Variants in CYP3A5 observed in about 807,000 individuals in gnomAD.
The protein encoded by CYP3A5 is cytochrome P450 family 3 subfamily A member 5.
In CYP3A5, 51 loss-of-function variants were observed where a neutral mutation model predicts 55.9. The observed-to-expected ratio is 0.91, with a 90% CI of 0.73 to 1.15. The LOEUF (loss-of-function observed/expected upper bound fraction) is 1.15. CYP3A5 is among the 50% of genes most tolerant of loss of function. The probability of loss-of-function intolerance (pLI) is 0.00; values close to 1 mark genes in which losing one functional copy is unlikely to be tolerated. For synonymous variants in CYP3A5, 196 were observed against 213.9 expected (o/e 0.92, Z 0.73); for missense variants, 533 against 596.6 (o/e 0.89, Z 1.11).
At chr7:99,672,027 T>C (rs973670115) in intron 4 of CYP3A5, 1 of 569,702 alleles carries the variant, frequency 1.8e-6, no homozygotes, top group African/African-American at 1.9e-5. Context: ...CAAAAGTTAT[T>C]GCAGTTTGCC....
At chr7:99,661,167 C>A (rs371270357) in intron 9 of CYP3A5, among the ~76,000 whole-genome samples, 1 of 152,056 alleles carries the variant, frequency 6.6e-6, no homozygotes, top group African/African-American at 2.4e-5. Context: ...CTTAAAGGAC[C>A]AATACTGAGC....
intron 1 of CYP3A5, among the ~76,000 whole-genome samples, chr7:99,679,128 C>A (rs961396734): frequency 1.5e-4 from 23 of 152,132 alleles, no homozygotes; most frequent in Non-Finnish European, 3.2e-4. Context: ...AATAAATCCT[C>A]GAAACTTCCT....
At chr7:99,677,524 C>T (rs1238136747) in intron 1 of CYP3A5, among the ~76,000 whole-genome samples, 1 of 152,230 alleles carries the variant, frequency 6.6e-6, no homozygotes, top group African/African-American at 2.4e-5. Context: ...ACCTTGTTTA[C>T]TCCTCTTTAG....
intron 7 of CYP3A5, among the ~76,000 whole-genome samples, chr7:99,664,841 A>C (rs1020573449): frequency 2.0e-5 from 3 of 152,234 alleles, no homozygotes; most frequent in Non-Finnish European, 4.4e-5. Flanking sequence ...AACTCATGAA[A>C]TAGAGAATAA....
chr7:99,654,980 C>A (rs554086473), intron 10 of CYP3A5, among the ~76,000 whole-genome samples: 1 of 152,004 alleles, frequency 6.6e-6, no homozygotes, highest in Admixed American at 6.6e-5. Context: ...GGATATTAGC[C>A]CTTTGTCAGA....
chr7:99,672,810 T>A, intron 3 of CYP3A5, 131 bp from the exon 4 acceptor site: 1 of 1,513,764 alleles, frequency 6.6e-7, no homozygotes, highest in Non-Finnish European at 8.8e-7. Flanking sequence ...CACAGCAACC[T>A]TAGGTTCTAG....
intron 9 of CYP3A5, among the ~76,000 whole-genome samples, chr7:99,661,101 A>G (rs1044909339): frequency 6.6e-6 from 1 of 152,200 alleles, no homozygotes; most frequent in Non-Finnish European, 1.5e-5. Context: ...TAGCTTGACA[A>G]ACTTTGAGAG....
intron 4 of CYP3A5, among the ~76,000 whole-genome samples, chr7:99,669,438 C>CA (rs1336301027): frequency 6.6e-6 from 1 of 152,044 alleles, no homozygotes; most frequent in Non-Finnish European, 1.5e-5. Context: ...AATTTAATAG[C>CA]AAAAAAATCA....
At chr7:99,658,075 G>A (rs562158904) in intron 10 of CYP3A5, among the ~76,000 whole-genome samples, 62 of 152,144 alleles carry the variant, frequency 4.1e-4, no homozygotes, top group Admixed American at 2.9e-3. Context: ...CATTTAGCCC[G>A]TTTACATTTA....
At chr7:99,661,089 T>C (rs1176337160) in intron 9 of CYP3A5, among the ~76,000 whole-genome samples, 2 of 152,206 alleles carry the variant, frequency 1.3e-5, no homozygotes, top group Non-Finnish European at 2.9e-5. Context: ...AGAATTCCAA[T>C]ATAGCTTGAC....
chr7:99,650,346 A>C, intron 11 of CYP3A5, 114 bp from the exon 12 acceptor site: 3 of 944,278 alleles, frequency 3.2e-6, no homozygotes, highest in Non-Finnish European at 4.9e-6. Context: ...AGTAGTACAC[A>C]GGATACTTTT....
At position 99,676,560 on chromosome 7, in the gene CYP3A5, A is replaced by T. The variant is rs777305629; in HGVS notation, c.72-352T>A. 9 of 1,357,646 alleles carry T rather than the reference A, an allele frequency of 6.6e-6. No individual in the cohort carries two copies. The South Asian group carries it at 6.8e-5, about 10-fold the overall frequency. 84.1% of individuals were successfully genotyped at this position (1,357,646 alleles called of 1,614,324 possible). A position where few individuals can be genotyped will look rare whatever the true frequency, so the allele number is the denominator to read the frequency against. On this transcript the variant is annotated intron_variant, in intron 1 of 12. Transcript: ENST00000222982. ...TGTTTAGTAAGTGGACTCTTCGCTG[A>T]TTTGGGGACTCTCATCCTAGGTAGA...
intron 1 of CYP3A5, among the ~76,000 whole-genome samples, chr7:99,678,109 C>T (rs1036309025): frequency 7.2e-5 from 11 of 152,234 alleles, no homozygotes; most frequent in Admixed American, 7.2e-4. Context: ...TTTCTGACTC[C>T]TGGGCTGCAC....
chr7:99,657,417 T>A (rs540748516), intron 10 of CYP3A5, among the ~76,000 whole-genome samples: 9 of 152,332 alleles, frequency 5.9e-5, no homozygotes, highest in African/African-American at 2.2e-4. Flanking sequence ...GAATCCTGAG[T>A]TCTAGTTTGA....
intron 11 of CYP3A5, 31 bp downstream of exon 11, chr7:99,652,522 G>T: frequency 6.6e-7 from 1 of 1,518,896 alleles, no homozygotes; most frequent in Non-Finnish European, 9.0e-7. Flanking sequence ...GCCTGGGTCA[G>T]GGTGAGCTCC....
chr7:99,652,463 AC>A lies in CYP3A5; in HGVS notation c.1253+89del. On this transcript the variant is annotated intron_variant, in intron 11 of 12. Coordinates refer to ENST00000222982, the MANE Select transcript of CYP3A5 (RefSeq NM_000777.5). ...AGACTTACAAGCAAATGATTGTACA[AC>A]CACACGATTGTCATGTAGATTAAGA... is the stretch of plus-strand genomic sequence containing the variant. The A allele has an allele frequency of 7.4e-6, 6 of 805,764 alleles. No homozygotes were observed. The South Asian group carries it at 9.9e-5, about 13-fold the overall frequency. 49.9% of individuals were successfully genotyped at this position (805,764 alleles called of 1,614,324 possible). A position where few individuals can be genotyped will look rare whatever the true frequency, so the allele number is the denominator to read the frequency against.
chr7:99,663,485 G>C (rs567363873), intron 8 of CYP3A5: 191 of 990,796 alleles, frequency 1.9e-4, no homozygotes, highest in Middle Eastern at 1.6e-3. Flanking sequence ...GAAGACCCCT[G>C]TTCACTCCAG....
In CYP3A5 at chr7:99,654,992, G is replaced by A. The variant is rs149818517; in HGVS notation, c.1027-2213C>T. On this transcript the variant is annotated intron_variant, in intron 10 of 12. Coordinates refer to ENST00000222982, the MANE Select transcript of CYP3A5 (RefSeq NM_000777.5). ...TCTGGATATTAGCCCTTTGTCAGAT[G>A]AGTAGGTTGCAAAAATTTTCTCCCA... is the stretch of plus-strand genomic sequence containing the variant. 4.7e-3 allele frequency among the ~76,000 whole-genome samples: 712 copies of A among 152,296 alleles called. 4 individuals carry two copies. The highest frequency in any genetic ancestry group is 0.016 in the African/African-American group (660 of 41,556).
intron 1 of CYP3A5, among the ~76,000 whole-genome samples, chr7:99,678,054 G>C (rs541109625): frequency 6.6e-6 from 1 of 152,336 alleles, no homozygotes; most frequent in Non-Finnish European, 1.5e-5. Flanking sequence ...GTCATCTATT[G>C]CATGTAATTG....
Sources: gnomAD v4.1 joint callset for allele counts (sites outside exome capture counted in the v4.1 genomes callset) on GRCh38, gnomAD v4.1.1 for gene constraint, MANE v1.5 for transcripts, NCBI Gene and HGNC (gene_info 2026-07-23, HGNC 2026-07-21) for gene names.